Variants in KIAA1217 observed in about 807,000 individuals in gnomAD.
The protein encoded by KIAA1217 is KIAA1217, also known as sickle tail protein homolog.
In KIAA1217, 88 loss-of-function variants were observed where a neutral mutation model predicts 163.9. That is an observed-to-expected ratio of 0.54 (90% CI 0.45 to 0.64). KIAA1217 has a LOEUF of 0.64. KIAA1217 is among the 30% of genes least tolerant of loss of function. The pLI is 0.00. For missense variants in KIAA1217, 2,372 were observed against 2,475.0 expected (o/e 0.96, Z 0.88); for synonymous variants, 903 against 923.1 (o/e 0.98, Z 0.39).
intron 1 of KIAA1217, among the ~76,000 whole-genome samples, chr10:23,886,676 T>A (rs892156208): frequency 5.3e-5 from 8 of 152,022 alleles, no homozygotes; most frequent in Non-Finnish European, 1.2e-4. Context: ...TTTTTGCATG[T>A]GTGCATTCTC....
intron 5 of KIAA1217, among the ~76,000 whole-genome samples, chr10:24,467,937 A>G (rs1421324589): frequency 6.6e-6 from 1 of 152,132 alleles, no homozygotes; most frequent in Non-Finnish European, 1.5e-5. Context: ...ATTTAATGCC[A>G]TGTCTTTACT....
At chr10:24,253,327 C>T (rs571301145) in intron 2 of KIAA1217, among the ~76,000 whole-genome samples, 84 of 152,244 alleles carry the variant, frequency 5.5e-4, no homozygotes, top group African/African-American at 1.9e-3. Context: ...CTAAGCTGTC[C>T]TTCTATCTCT....
intron 2 of KIAA1217, among the ~76,000 whole-genome samples, chr10:24,225,038 G>C (rs962277502): frequency 6.6e-6 from 1 of 152,040 alleles, no homozygotes; most frequent in Non-Finnish European, 1.5e-5. Context: ...TGTTAGCCAG[G>C]ATGGTCTCGA....
chr10:24,266,946 G>A (rs1047922110), intron 2 of KIAA1217, among the ~76,000 whole-genome samples: 3 of 152,108 alleles, frequency 2.0e-5, no homozygotes, highest in Non-Finnish European at 4.4e-5. Context: ...GACTGCGAAG[G>A]TCCGCAGCTT....
At chr10:23,945,040 C>G (rs943798167) in intron 1 of KIAA1217, among the ~76,000 whole-genome samples, 1 of 128,502 alleles carries the variant, frequency 7.8e-6, no homozygotes, top group African/African-American at 3.1e-5. Flanking sequence ...GCCTGGGCAA[C>G]AGAACAAGAC....
intron 1 of KIAA1217, among the ~76,000 whole-genome samples, chr10:23,790,618 TATATAC>T (rs1382251334): frequency 1.2e-5 from 1 of 85,622 alleles, no homozygotes; most frequent in Non-Finnish European, 2.3e-5. Context: ...TACATATGTA[TATATAC>T]ATATATATGT....
intron 6 of KIAA1217, among the ~76,000 whole-genome samples, chr10:24,489,620 A>C (rs1481002095): frequency 6.6e-6 from 1 of 151,978 alleles, no homozygotes; most frequent in African/African-American, 2.4e-5. Flanking sequence ...CTGTAATTCC[A>C]ACACTTTGGG....
chr10:24,224,041 T>C (rs943258875), intron 2 of KIAA1217, among the ~76,000 whole-genome samples: 3 of 152,034 alleles, frequency 2.0e-5, no homozygotes, highest in African/African-American at 7.2e-5. Context: ...TGGTCAAGAG[T>C]TTTCTTTAGT....
At chr10:24,188,851 A>T (rs540353167) in intron 2 of KIAA1217, among the ~76,000 whole-genome samples, 1 of 152,266 alleles carries the variant, frequency 6.6e-6, no homozygotes, top group South Asian at 2.1e-4. Flanking sequence ...CACGCCTGTA[A>T]TCCCAGCACT....
At chr10:23,912,308 AG>A (rs1268606303) in intron 1 of KIAA1217, among the ~76,000 whole-genome samples, 1 of 152,102 alleles carries the variant, frequency 6.6e-6, no homozygotes, top group Non-Finnish European at 1.5e-5. Context: ...GGAGGCTCAA[AG>A]GTAAATGTTG....
At chr10:23,891,795 CTG>C (rs2131216388) in intron 1 of KIAA1217, among the ~76,000 whole-genome samples, 1 of 151,938 alleles carries the variant, frequency 6.6e-6, no homozygotes, top group African/African-American at 2.4e-5. Flanking sequence ...TTATTTCTCT[CTG>C]AATTTCTGTT....
At chr10:23,902,388 A>G (rs1234605658) in intron 1 of KIAA1217, among the ~76,000 whole-genome samples, 1 of 152,026 alleles carries the variant, frequency 6.6e-6, no homozygotes, top group Non-Finnish European at 1.5e-5. Context: ...CAAACCTCTA[A>G]TCTCAGGGAC....
chr10:23,752,640 G>A (rs1839799128), intron 1 of KIAA1217, among the ~76,000 whole-genome samples: 1 of 152,054 alleles, frequency 6.6e-6, no homozygotes, highest in East Asian at 1.9e-4. Context: ...ATTTCCCTCA[G>A]GTATCATTTT....
At chr10:23,976,613 C>T (rs941642173) in intron 1 of KIAA1217, among the ~76,000 whole-genome samples, 1 of 152,106 alleles carries the variant, frequency 6.6e-6, no homozygotes, top group African/African-American at 2.4e-5. Flanking sequence ...CTTCCAGGTA[C>T]AGCAGAGAGT....
intron 2 of KIAA1217, among the ~76,000 whole-genome samples, chr10:24,258,900 A>G (rs1434283211): frequency 6.6e-6 from 1 of 152,098 alleles, no homozygotes; most frequent in Non-Finnish European, 1.5e-5. Context: ...GCCGGCTTAC[A>G]TCTTAATGAG....
chr10:24,112,577 T>C (rs2062889663), intron 2 of KIAA1217, among the ~76,000 whole-genome samples: 1 of 151,980 alleles, frequency 6.6e-6, no homozygotes, highest in South Asian at 2.1e-4. Context: ...TAGTGCTCTT[T>C]TTTTTATTTT....
In KIAA1217 at chr10:24,405,986, A is replaced by G. The variant is rs539802055; in HGVS notation, c.553+24919A>G. ...AAATCATCTCCAAACTATGGGCACA[A>G]CAGAAAGCTTTCCTATCTTCCCTTT... On this transcript the variant is annotated intron_variant, in intron 3 of 20. Coordinates refer to ENST00000376454, the MANE Select transcript of KIAA1217 (RefSeq NM_019590.5). 5.3e-5 allele frequency among the ~76,000 whole-genome samples: 8 copies of G among 152,360 alleles called. No homozygotes were observed. The South Asian group carries it at 1.7e-3, about 32-fold the overall frequency.
chr10:24,326,673 T>A (rs912528132), intron 2 of KIAA1217, among the ~76,000 whole-genome samples: 1 of 152,206 alleles, frequency 6.6e-6, no homozygotes, highest in African/African-American at 2.4e-5. Context: ...CTGTTATTAT[T>A]TTTTTCTTTT....
chr10:23,855,594 T>G (rs983775144), intron 1 of KIAA1217, among the ~76,000 whole-genome samples: 3 of 152,218 alleles, frequency 2.0e-5, no homozygotes, highest in African/African-American at 7.2e-5. Context: ...CTGGATAATA[T>G]CCTGCAGAGT....
Sources: gnomAD v4.1 joint callset for allele counts (sites outside exome capture counted in the v4.1 genomes callset) on GRCh38, gnomAD v4.1.1 for gene constraint, MANE v1.5 for transcripts, NCBI Gene and HGNC (gene_info 2026-07-23, HGNC 2026-07-21) for gene names.